TJP1: variants seen among roughly 807,000 people sequenced by gnomAD.
TJP1 encodes the protein tight junction protein 1.
TJP1 carries 43 observed loss-of-function variants against 194.2 expected under a neutral mutation model. That is an observed-to-expected ratio of 0.22 (90% CI 0.17 to 0.29). The LOEUF is 0.29. Among genes scored for constraint, TJP1 ranks in the 10% least tolerant of loss-of-function variants. TJP1 has a pLI of 1.00. For synonymous variants in TJP1, 801 were observed against 779.0 expected (o/e 1.03, Z -0.47); for missense variants, 1,971 against 2,185.7 (o/e 0.90, Z 1.96).
chr15:29,761,662 C>G lies in TJP1; in HGVS notation c.801G>C (p.Thr267=). The stretch of plus-strand genomic sequence containing the variant: ...CAGAAAGATCAGGGACATTCAATAG[C>G]GTAGCCCGTTCATCTCTTTGAACTA... ...KMVVQRDERA[T]LLNVPDLSDS... is the part of the protein sequence containing the mutation. The change falls in exon 7 of 28, where the codon ACG becomes ACC. Residue 267 remains threonine, a synonymous_variant. Coordinates refer to ENST00000614355, the MANE Select transcript of TJP1 (RefSeq NM_001330239.4). 6.2e-7 allele frequency: 1 copy of G among 1,611,110 alleles called. No individual in the cohort carries two copies. Among genetic ancestry groups the G allele is most frequent in the South Asian group, 1.1e-5 (1 of 90,848 alleles).
chr15:29,883,666 T>C (rs1465616248), intron 2 of TJP1, among the ~76,000 whole-genome samples: 1 of 152,130 alleles, frequency 6.6e-6, no homozygotes, highest in African/African-American at 2.4e-5. Context: ...GAAAAAGGAT[T>C]GTTTTGAGTA....
chr15:29,865,848 C>G (rs977651321), intron 2 of TJP1, among the ~76,000 whole-genome samples: 1 of 152,134 alleles, frequency 6.6e-6, no homozygotes, highest in African/African-American at 2.4e-5. Context: ...AGCTGAAAAG[C>G]TAAAGAAATA....
chr15:29,796,361 A>AC (rs929983931), intron 2 of TJP1, among the ~76,000 whole-genome samples: 13 of 151,414 alleles, frequency 8.6e-5, no homozygotes, highest in African/African-American at 3.2e-4. Flanking sequence ...ACAAAAAAAA[A>AC]CCTGCATTTC....
chr15:29,765,301 T>C (rs1350215437), intron 5 of TJP1, among the ~76,000 whole-genome samples: 1 of 152,124 alleles, frequency 6.6e-6, no homozygotes, highest in Admixed American at 6.5e-5. Flanking sequence ...CTTCACTGAA[T>C]GGGGGTATGG....
At chr15:29,735,925 T>C (rs1285733322) in intron 11 of TJP1, among the ~76,000 whole-genome samples, 1 of 152,096 alleles carries the variant, frequency 6.6e-6, no homozygotes, top group African/African-American at 2.4e-5. Flanking sequence ...AGACTTTGAT[T>C]ACGAGCTGCT....
chr15:29,814,466 A>G (rs1167395455), intron 1 of TJP1, among the ~76,000 whole-genome samples: 2 of 152,200 alleles, frequency 1.3e-5, no homozygotes, highest in African/African-American at 4.8e-5. Context: ...TTTTAAAATT[A>G]CATACTAAAT....
chr15:29,853,302 G>C (rs2051716989), intron 2 of TJP1, among the ~76,000 whole-genome samples: 1 of 152,202 alleles, frequency 6.6e-6, no homozygotes, highest in Non-Finnish European at 1.5e-5. Context: ...CAACATGAGA[G>C]AGTCTCCTGG....
intron 2 of TJP1, among the ~76,000 whole-genome samples, chr15:29,919,896 C>T (rs1184126978): frequency 0.012 from 1 of 86 alleles, no homozygotes; most frequent in Non-Finnish European, 0.02. Context: ...CTTTCCCCTT[C>T]CCAGTGGGGG....
intron 8 of TJP1, among the ~76,000 whole-genome samples, chr15:29,748,953 T>TGTGTGTGTGC (rs768387529): frequency 3.1e-5 from 1 of 32,258 alleles, no homozygotes; most frequent in African/African-American, 6.7e-5. Flanking sequence ...TGTGTGTGTG[T>TGTGTGTGTGC]GCGCGTGTGT....
chr15:29,753,822 G>GAAAAAAAAA (rs59926060), intron 8 of TJP1, among the ~76,000 whole-genome samples: 1 of 68,344 alleles, frequency 1.5e-5, no homozygotes. Flanking sequence ...AAGGGAAACA[G>GAAAAAAAAA]AAAAAAAAAA....
Position 29,822,001 on chromosome 15 carries a change from C to G in TJP1, c.27+1G>C. 2.2e-6 allele frequency: 3 copies of G among 1,341,920 alleles called. No homozygotes were observed. Among genetic ancestry groups the G allele is most frequent in the Non-Finnish European group, 2.9e-6 (3 of 1,044,098 alleles). The allele number at this position is 1,341,920 out of a possible 1,614,324, so 83.1% of individuals were successfully genotyped here. On this transcript the variant is annotated splice_donor_variant, in intron 1 of 27. Coordinates refer to ENST00000614355, the MANE Select transcript of TJP1 (RefSeq NM_001330239.4). LOFTEE classifies it high-confidence loss of function. The stretch of plus-strand genomic sequence containing the variant: ...GCCCTGGCGGCCGCGGAGGCGCTCA[C>G]CTTGGCGGCCGCAGCTCTGGCGGAC...
intron 2 of TJP1, among the ~76,000 whole-genome samples, chr15:29,862,849 C>T (rs1210739911): frequency 2.0e-5 from 3 of 150,936 alleles, no homozygotes; most frequent in Middle Eastern, 3.2e-3. Context: ...GGGGTTTCAC[C>T]GTGTTAGCCA....
intron 2 of TJP1, among the ~76,000 whole-genome samples, chr15:29,846,128 C>T (rs1023505992): frequency 2.6e-5 from 4 of 152,206 alleles, no homozygotes; most frequent in African/African-American, 7.2e-5. Context: ...AATGCATTCT[C>T]TACACTGCAC....
At chr15:29,767,952 T>C (rs1371442038) in intron 4 of TJP1, among the ~76,000 whole-genome samples, 1 of 152,174 alleles carries the variant, frequency 6.6e-6, no homozygotes, top group African/African-American at 2.4e-5. Context: ...TACCTGAAAC[T>C]TCAATCTCTT....
intron 2 of TJP1, among the ~76,000 whole-genome samples, chr15:29,836,067 G>A (rs2051018501): frequency 6.6e-6 from 1 of 151,968 alleles, no homozygotes; most frequent in African/African-American, 2.4e-5. Context: ...TTTAACTTGT[G>A]GCACTAAATC....
chr15:29,849,184 A>G (rs1266855815), intron 2 of TJP1, among the ~76,000 whole-genome samples: 1 of 152,052 alleles, frequency 6.6e-6, no homozygotes, highest in African/African-American at 2.4e-5. Context: ...AATTTTCTTC[A>G]CGAAATCTAC....
intron 2 of TJP1, among the ~76,000 whole-genome samples, chr15:29,775,138 T>C (rs1004967131): frequency 3.3e-5 from 5 of 152,182 alleles, no homozygotes; most frequent in African/African-American, 1.2e-4. Flanking sequence ...CACCCATTAG[T>C]TACTCAGTAG....
chr15:29,787,697 T>C (rs2047788285), intron 2 of TJP1, among the ~76,000 whole-genome samples: 1 of 152,232 alleles, frequency 6.6e-6, no homozygotes, highest in Non-Finnish European at 1.5e-5. Flanking sequence ...TTTTTATTGC[T>C]AAATAATATT....
intron 1 of TJP1, among the ~76,000 whole-genome samples, chr15:29,812,505 T>C (rs2049593549): frequency 6.6e-6 from 1 of 152,190 alleles, no homozygotes; most frequent in South Asian, 2.1e-4. Flanking sequence ...TTAGACAAAC[T>C]GGCTTGTGCT....
Sources: gnomAD v4.1 joint callset for allele counts (sites outside exome capture counted in the v4.1 genomes callset) on GRCh38, gnomAD v4.1.1 for gene constraint, MANE v1.5 for transcripts, NCBI Gene and HGNC (gene_info 2026-07-23, HGNC 2026-07-21) for gene names.